PCDHGB6: variants seen among roughly 807,000 people sequenced by gnomAD.
PCDHGB6 encodes protocadherin gamma subfamily B, 6.
A neutral mutation model predicts 59.1 loss-of-function variants in PCDHGB6; 51 were observed. The ratio of observed to expected loss-of-function variants is 0.86; its 90% CI spans 0.69 to 1.09. PCDHGB6 has a LOEUF of 1.09. Among genes scored for constraint, PCDHGB6 ranks in the 50% least tolerant of loss-of-function variants. PCDHGB6 has a pLI of 0.00. For missense variants in PCDHGB6, 1,148 were observed against 1,205.1 expected, an observed-to-expected ratio of 0.95 and a Z score of 0.70; for synonymous variants, 466 against 495.1, an observed-to-expected ratio of 0.94 and a Z score of 0.78.
chr5:141,422,539 C>G, intron 1 of PCDHGB6: 1 of 1,613,994 alleles, frequency 6.2e-7, no homozygotes, highest in Non-Finnish European at 8.5e-7. Flanking sequence ...TGCAGAAACT[C>G]ATGTCTGGCT....
At chr5:141,418,940 C>G in intron 1 of PCDHGB6, 9 of 1,614,012 alleles carry the variant, frequency 5.6e-6, no homozygotes, top group Non-Finnish European at 6.8e-6. Context: ...GGAGGATTCC[C>G]CTCCAGGAGT....
intron 1 of PCDHGB6, chr5:141,415,853 GTAGT>G: frequency 2.5e-6 from 3 of 1,186,350 alleles, no homozygotes; most frequent in Non-Finnish European, 3.3e-6. Context: ...GCAGAACCTT[GTAGT>G]TTATAGTGTT....
intron 1 of PCDHGB6, among the ~76,000 whole-genome samples, chr5:141,481,913 C>CAAAA (rs34114744): frequency 1.1e-5 from 1 of 90,846 alleles, no homozygotes; most frequent in African/African-American, 4.2e-5. Context: ...AACTCCATCT[C>CAAAA]AAAAAAAAAA....
chr5:141,484,375 G>C (rs188702244), intron 1 of PCDHGB6, among the ~76,000 whole-genome samples: 2 of 152,258 alleles, frequency 1.3e-5, no homozygotes, highest in African/African-American at 4.8e-5. Flanking sequence ...ACTAGCAAAT[G>C]TCTGAATAAG....
At chr5:141,423,936 G>A (rs2096792092) in intron 1 of PCDHGB6, 1 of 1,225,102 alleles carries the variant, frequency 8.2e-7, no homozygotes. Context: ...TTGGTTTGAA[G>A]TAAGTTGAAT....
chr5:141,432,428 G>C lies in PCDHGB6; in HGVS notation c.2418+21808G>C. 6.2e-7 allele frequency: 1 copy of C among 1,614,232 alleles called. No homozygotes were observed. On this transcript the variant is annotated intron_variant, in intron 1 of 3. Coordinates refer to ENST00000520790, the MANE Select transcript of PCDHGB6 (RefSeq NM_018926.3). The surrounding 1 kb of genome is among the most constrained non-coding windows in gnomAD (Gnocchi z 6.0). ...GAGCCTGTTCGTGCTGGACCAGAAC[G>C]ACAATGCGCCCGAGATCCTGTACCC...
rs2099605485 is a variant in PCDHGB6 at position 141,485,030 on chromosome 5, G to A, written c.2419-9777G>A. 1 of 674,340 alleles carries A rather than the reference G, an allele frequency of 1.5e-6. No individual in the cohort carries two copies. Among genetic ancestry groups the A allele is most frequent in the East Asian group, 2.6e-5 (1 of 38,292 alleles). The allele number at this position is 674,340 out of a possible 1,614,324, so 41.8% of individuals were successfully genotyped here. A position where few individuals can be genotyped will look rare whatever the true frequency, so the allele number is the denominator to read the frequency against. ...CTACCCCGCCACCAGCAAAAACGGC[G>A]CGTAACCCTTGCGGCGCCGGCCGAA... On this transcript the variant is annotated intron_variant, in intron 1 of 3. Transcript: ENST00000520790. The surrounding 1 kb of genome is among the most constrained non-coding windows in gnomAD (Gnocchi z 5.7).
chr5:141,432,395 G>C lies in PCDHGB6; in HGVS notation c.2418+21775G>C, dbSNP rs748660079. The C allele has an allele frequency of 1.2e-6, 2 of 1,614,242 alleles. No homozygotes were observed. The highest frequency in any genetic ancestry group is 4.5e-5 in the East Asian group (2 of 44,882). On this transcript the variant is annotated intron_variant, in intron 1 of 3. Coordinates refer to ENST00000520790, the MANE Select transcript of PCDHGB6 (RefSeq NM_018926.3). The surrounding 1 kb of genome is among the most constrained non-coding windows in gnomAD (Gnocchi z 6.0). The stretch of plus-strand genomic sequence containing the variant: ...CGGGCACCCGCCCCTCAGCAGCAAC[G>C]TGTCGTTGAGCCTGTTCGTGCTGGA...
At chr5:141,419,674 C>A (rs372932653) in intron 1 of PCDHGB6, 1 of 1,612,938 alleles carries the variant, frequency 6.2e-7, no homozygotes, top group Non-Finnish European at 8.5e-7. Flanking sequence ...CCTGGCTGTC[C>A]TACCACGTGG....
intron 1 of PCDHGB6, chr5:141,416,685 A>T (rs1292141199): frequency 1.3e-5 from 2 of 152,384 alleles, no homozygotes; most frequent in East Asian, 3.9e-4. Flanking sequence ...AAGGGAAATT[A>T]TATAAACAAA....
intron 1 of PCDHGB6, among the ~76,000 whole-genome samples, chr5:141,444,012 G>T (rs1355186604): frequency 1.3e-5 from 2 of 152,058 alleles, no homozygotes; most frequent in African/African-American, 4.8e-5. Flanking sequence ...CTGGGTATTG[G>T]CTTCTAAAAG....
chr5:141,494,661 G>A, intron 1 of PCDHGB6, 146 bp from the exon 2 acceptor site: 2 of 1,492,976 alleles, frequency 1.3e-6, no homozygotes, highest in Non-Finnish European at 1.8e-6. Context: ...TTTGTCTTTG[G>A]AGATGAGTCC....
Position 141,432,804 on chromosome 5 carries a change from C to T in PCDHGB6, c.2418+22184C>T, listed in dbSNP as rs1482036720. The T allele has an allele frequency of 1.2e-6, 2 of 1,614,182 alleles. No individual in the cohort carries two copies. Among genetic ancestry groups the T allele is most frequent in the Non-Finnish European group, 1.7e-6 (2 of 1,180,008 alleles). ...GACCTCGGCAGCCTCGAGTCTCCAG[C>T]TAACTCTGAAACCTCAGACCTCACT... is the stretch of plus-strand genomic sequence containing the variant. On this transcript the variant is annotated intron_variant, in intron 1 of 3. Transcript: ENST00000520790. This position sits in a 1 kb window ranked among gnomAD's most constrained non-coding sequence, Gnocchi z 6.0.
chr5:141,423,230 G>C (rs1223173152), intron 1 of PCDHGB6: 1 of 1,613,872 alleles, frequency 6.2e-7, no homozygotes, highest in Admixed American at 1.7e-5. Context: ...GTGGCCGACA[G>C]CATCCCCGAA....
chr5:141,499,191 C>A (rs920773306), intron 2 of PCDHGB6, among the ~76,000 whole-genome samples: 1 of 152,116 alleles, frequency 6.6e-6, no homozygotes, highest in Non-Finnish European at 1.5e-5. Context: ...ACCATTTCCC[C>A]CTTCTTAGGC....
chr5:141,415,906 A>G, intron 1 of PCDHGB6: 1 of 784,990 alleles, frequency 1.3e-6, no homozygotes, highest in Non-Finnish European at 1.8e-6. Context: ...ACAGACTTCC[A>G]TACAGAAGTG....
chr5:141,454,860 T>G (rs62379170), intron 1 of PCDHGB6, among the ~76,000 whole-genome samples: 5,850 of 133,200 alleles, frequency 0.044, 153 homozygotes, highest in Middle Eastern at 0.11. Context: ...CAGGCTGGAG[T>G]GCAGTGGCAC....
intron 2 of PCDHGB6, among the ~76,000 whole-genome samples, chr5:141,497,248 G>A (rs1442942520): frequency 6.6e-6 from 1 of 152,128 alleles, no homozygotes; most frequent in African/African-American, 2.4e-5. Context: ...AGGAGGAGGT[G>A]ACATTGAGAA....
intron 2 of PCDHGB6, among the ~76,000 whole-genome samples, chr5:141,497,023 G>A (rs1271608156): frequency 1.3e-5 from 2 of 151,912 alleles, no homozygotes; most frequent in Non-Finnish European, 2.9e-5. Flanking sequence ...ACCCCATCTC[G>A]ATTAAAAATA....
Sources: gnomAD v4.1 joint callset for allele counts (sites outside exome capture counted in the v4.1 genomes callset) on GRCh38, gnomAD v4.1.1 for gene constraint, Gnocchi (gnomAD v3.1) non-coding constraint, MANE v1.5 for transcripts, NCBI Gene and HGNC (gene_info 2026-07-23, HGNC 2026-07-21) for gene names.